The following SFMBT2 variants were observed in gnomAD, a reference collection of about 807,000 sequenced individuals.
SFMBT2 encodes scm-like with four MBT domains protein 2.
In SFMBT2, 38 loss-of-function variants were observed where a neutral mutation model predicts 110.1. That is an observed-to-expected ratio of 0.35 (90% confidence interval 0.27 to 0.45). The LOEUF (loss-of-function observed/expected upper bound fraction) is 0.45, where lower values mean the gene tolerates loss of function less well. Among genes scored for constraint, SFMBT2 ranks in the 20% least tolerant of loss-of-function variants. The pLI is 1.00. For missense variants in SFMBT2, 1,011 were observed against 1,094.9 expected (o/e 0.92, Z 1.08); for synonymous variants, 425 against 425.4 (o/e 1.00, Z 0.01).
intron 4 of SFMBT2, among the ~76,000 whole-genome samples, chr10:7,349,076 T>C (rs975897852): frequency 6.6e-6 from 1 of 152,210 alleles, no homozygotes; most frequent in African/African-American, 2.4e-5. Flanking sequence ...CTCCCAGGTC[T>C]CATGAATCTG....
At chr10:7,228,534 T>C (rs1158783616) in intron 9 of SFMBT2, 5 of 181,088 alleles carry the variant, frequency 2.8e-5, no homozygotes, top group Admixed American at 1.3e-4. Context: ...CTGCTGAGGC[T>C]GAAGGAACAT....
rs139260032 is a variant in SFMBT2 at position 7,224,349 on chromosome 10, A to G, written c.1203+3506T>C. Reference sequence around the variant, plus strand: ...ACATGATTCAGGAATCACCATAAAAACATAGACAGAATTTACACATGGAAT... The same window carrying G: ...ACATGATTCAGGAATCACCATAAAAGCATAGACAGAATTTACACATGGAAT... On this transcript the variant is annotated intron_variant, in intron 10 of 20. Transcript: ENST00000397167. 6.1e-3 allele frequency among the ~76,000 whole-genome samples: 936 copies of G among 152,258 alleles called. 10 individuals are homozygous for G. The highest frequency in any genetic ancestry group is 0.021 in the African/African-American group (869 of 41,534).
intron 4 of SFMBT2, among the ~76,000 whole-genome samples, chr10:7,343,661 T>A (rs1844000648): frequency 6.6e-6 from 1 of 152,348 alleles, no homozygotes; most frequent in South Asian, 2.1e-4. Context: ...CATTTTTCCA[T>A]ATGCTTGTTG....
At chr10:7,277,098 T>C in intron 6 of SFMBT2, 109 bp from the exon 7 acceptor site, 1 of 697,088 alleles carries the variant, frequency 1.4e-6, no homozygotes, top group East Asian at 2.6e-5. Flanking sequence ...GCACGGTCAG[T>C]GACCGTGAGT....
At chr10:7,240,077 T>C (rs1840384077) in intron 9 of SFMBT2, among the ~76,000 whole-genome samples, 1 of 152,100 alleles carries the variant, frequency 6.6e-6, no homozygotes, top group African/African-American at 2.4e-5. Flanking sequence ...ACACATTTAT[T>C]TAGATAGAAA....
chr10:7,209,585 T>C (rs1052282700), intron 11 of SFMBT2, among the ~76,000 whole-genome samples: 3 of 152,220 alleles, frequency 2.0e-5, no homozygotes, highest in Non-Finnish European at 4.4e-5. Flanking sequence ...TGTACAGATC[T>C]CCAAGATGCA....
rs1837476659 is a variant in SFMBT2, at chr10:7,158,728, T to G, written c.*5042A>C. The G allele has an allele frequency of 6.6e-6, 1 of 152,170 alleles. No homozygotes were observed. The highest frequency in any genetic ancestry group is 1.5e-5 in the Non-Finnish European group (1 of 68,026). 9.4% of individuals were successfully genotyped at this position (152,170 alleles called of 1,614,324 possible). A position where few individuals can be genotyped will look rare whatever the true frequency, so the allele number is the denominator to read the frequency against. On this transcript the variant is annotated 3_prime_UTR_variant, in exon 21 of 21. Transcript: ENST00000397167. Reference sequence around the variant, plus strand: ...AATTAAAATATAACTCTGATATAGATTTTCATTTATTTACATGAAAACATA... The same window carrying G: ...AATTAAAATATAACTCTGATATAGAGTTTCATTTATTTACATGAAAACATA...
rs1373740343 is a variant in SFMBT2 at position 7,170,853 on chromosome 10, CG to C, written c.2544+74del. 1.9e-6 allele frequency: 3 copies of C among 1,586,948 alleles called. No homozygotes were observed. In the African/African-American group the frequency reaches 4.0e-5, roughly 21 times the overall value. On this transcript the variant is annotated intron_variant, in intron 20 of 20. Coordinates refer to ENST00000397167, the MANE Select transcript of SFMBT2 (RefSeq NM_001387889.1). The surrounding 1 kb of genome is among the most constrained non-coding windows in gnomAD (Gnocchi z 4.6). ...CCCCTCGCAGGTGTCACGAGGAAGC[CG>C]GCTAGGACACGAGGTTCATTTCAGA...
intron 3 of SFMBT2, chr10:7,368,307 G>T (rs547862843): frequency 3.0e-6 from 3 of 983,728 alleles, no homozygotes; most frequent in Non-Finnish European, 3.6e-6. Context: ...CACATGATAG[G>T]GGCTATTCCA....
rs182319548 is a variant in SFMBT2 at position 7,371,987 on chromosome 10, C to T, written c.101-1612G>A. Among the ~76,000 whole-genome samples, 237 of 120,356 alleles carry T rather than the reference C, an allele frequency of 2.0e-3. 4 individuals carry two copies. The highest frequency in any genetic ancestry group is 7.2e-3 in the African/African-American group (220 of 30,746). The allele number at this position is 120,356 out of a possible 152,430, so 79.0% of individuals were successfully genotyped here. On this transcript the variant is annotated intron_variant, in intron 2 of 20. Coordinates refer to ENST00000397167, the MANE Select transcript of SFMBT2 (RefSeq NM_001387889.1). ...TGTCATCCAGGCTGGAGTGCAGTGG[C>T]GCGATCTCAGCTCACTACAACCTCC...
At chr10:7,177,526 G>C (rs1838105692) in intron 16 of SFMBT2, among the ~76,000 whole-genome samples, 1 of 152,266 alleles carries the variant, frequency 6.6e-6, no homozygotes, top group Non-Finnish European at 1.5e-5. Flanking sequence ...ATTAAACGAG[G>C]TTATAAGGGT....
chr10:7,250,919 A>T (rs1205923849), intron 7 of SFMBT2, among the ~76,000 whole-genome samples: 1 of 152,206 alleles, frequency 6.6e-6, no homozygotes, highest in African/African-American at 2.4e-5. Context: ...CACACCAGCC[A>T]TCATGTCCAG....
intron 11 of SFMBT2, chr10:7,215,526 A>G (rs1839505547): frequency 1.0e-6 from 1 of 984,934 alleles, no homozygotes; most frequent in Non-Finnish European, 1.2e-6. Context: ...GTTTTATCCA[A>G]CACTGTACAT....
In SFMBT2 at chr10:7,233,097, A is replaced by G. The variant is rs558668999; in HGVS notation, c.1121-5160T>C. The stretch of plus-strand genomic sequence containing the variant: ...TCCTCTTCTATCCTGGGTGGCTACG[A>G]AAAATACATATACAATCTTAATAAA... On this transcript the variant is annotated intron_variant, in intron 9 of 20. Coordinates refer to ENST00000397167, the MANE Select transcript of SFMBT2 (RefSeq NM_001387889.1). 2.2e-4 allele frequency among the ~76,000 whole-genome samples: 33 copies of G among 152,334 alleles called. No homozygotes were observed. In the East Asian group the frequency reaches 6.2e-3, roughly 28 times the overall value.
chr10:7,223,945 A>G lies in SFMBT2; in HGVS notation c.1204-3408T>C, dbSNP rs186616357. 3.8e-3 allele frequency among the ~76,000 whole-genome samples: 583 copies of G among 152,300 alleles called. 5 individuals are homozygous for G. The highest frequency in any genetic ancestry group is 0.013 in the African/African-American group (555 of 41,572). The stretch of plus-strand genomic sequence containing the variant: ...CCACTGCTTTACATCACACTTAGTT[A>G]CAATAGGGGCTTGAAAATACTTGTC... On this transcript the variant is annotated intron_variant, in intron 10 of 20. Transcript: ENST00000397167.
At chr10:7,389,659 AATAAGGGAATAACAAGCT>A (rs1345743236) in intron 1 of SFMBT2, among the ~76,000 whole-genome samples, 1 of 152,216 alleles carries the variant, frequency 6.6e-6, no homozygotes, top group African/African-American at 2.4e-5. Flanking sequence ...GAGCTTGCAG[AATAAGGGAATAACAAGCT>A]ATGTGGCTGT....
At chr10:7,392,937 G>A (rs563307415) in intron 1 of SFMBT2, among the ~76,000 whole-genome samples, 3 of 128,462 alleles carry the variant, frequency 2.3e-5, no homozygotes, top group African/African-American at 8.3e-5. Flanking sequence ...TATCTCATTA[G>A]ATGTTTATAT....
intron 11 of SFMBT2, among the ~76,000 whole-genome samples, chr10:7,207,743 G>A (rs980052058): frequency 7.2e-5 from 11 of 152,186 alleles, no homozygotes; most frequent in East Asian, 1.9e-4. Flanking sequence ...ACTTTTCATC[G>A]TCAAGTAGAC....
intron 16 of SFMBT2, among the ~76,000 whole-genome samples, chr10:7,183,432 C>A (rs952389234): frequency 5.9e-5 from 9 of 152,216 alleles, no homozygotes; most frequent in Non-Finnish European, 7.3e-5. Flanking sequence ...ACAGGAGATG[C>A]TCTTGCTGGT....
Sources: allele counts gnomAD v4.1 joint callset (sites outside exome capture counted in the v4.1 genomes callset), GRCh38; gene constraint gnomAD v4.1.1; non-coding constraint Gnocchi (gnomAD v3.1); transcripts MANE v1.5; gene names NCBI Gene and HGNC (gene_info 2026-07-23, HGNC 2026-07-21).